DLG2: variants seen among roughly 807,000 people sequenced by gnomAD.
The protein encoded by DLG2 is disks large homolog 2.
In DLG2, 45 loss-of-function variants were observed where a neutral mutation model predicts 132.5. That is an observed-to-expected ratio of 0.34 (90% CI 0.27 to 0.44). The LOEUF (loss-of-function observed/expected upper bound fraction) is 0.44, where lower values mean the gene tolerates loss of function less well. DLG2 is among the 20% of genes least tolerant of loss of function. DLG2 has a pLI of 1.00. For missense variants in DLG2, 1,045 were observed against 1,196.9 expected (o/e 0.87, Z 1.87); for synonymous variants, 424 against 419.6 (o/e 1.01, Z -0.13).
intron 6 of DLG2, among the ~76,000 whole-genome samples, chr11:84,890,050 T>C (rs2089078066): frequency 6.6e-6 from 1 of 152,214 alleles, no homozygotes; most frequent in Non-Finnish European, 1.5e-5. Flanking sequence ...TATAGCTACT[T>C]GGCATTTCAG....
chr11:84,931,766 C>T (rs1009809177), intron 6 of DLG2, among the ~76,000 whole-genome samples: 1 of 152,146 alleles, frequency 6.6e-6, no homozygotes, highest in Non-Finnish European at 1.5e-5. Flanking sequence ...TATCCACAAC[C>T]TTGCCAGCAT....
chr11:84,931,228 G>A (rs1257121272), intron 6 of DLG2, among the ~76,000 whole-genome samples: 1 of 151,978 alleles, frequency 6.6e-6, no homozygotes, highest in Non-Finnish European at 1.5e-5. Context: ...TGTCATGGGG[G>A]TTTCTTGTAC....
intron 6 of DLG2, among the ~76,000 whole-genome samples, chr11:84,841,491 A>C (rs539576358): frequency 8.5e-5 from 13 of 152,140 alleles, no homozygotes; most frequent in African/African-American, 3.1e-4. Flanking sequence ...ATTAAACATT[A>C]CTCTGATAAC....
chr11:85,096,223 G>C (rs768121412), intron 6 of DLG2, among the ~76,000 whole-genome samples: 4 of 152,180 alleles, frequency 2.6e-5, no homozygotes, highest in Non-Finnish European at 5.9e-5. Flanking sequence ...GCCAGCAGTG[G>C]CAACCTGCTC....
intron 6 of DLG2, among the ~76,000 whole-genome samples, chr11:84,734,974 C>A (rs1446204108): frequency 6.6e-6 from 1 of 152,138 alleles, no homozygotes. Context: ...AGCCTTGCAT[C>A]CCAGGGATGA....
At chr11:84,395,398 C>A (rs545171562) in intron 7 of DLG2, among the ~76,000 whole-genome samples, 1 of 152,126 alleles carries the variant, frequency 6.6e-6, no homozygotes, top group Non-Finnish European at 1.5e-5. Context: ...CCTGTCTTCA[C>A]TTAGGTTTCT....
At position 85,370,058 on chromosome 11, in the gene DLG2, T is replaced by C. The variant is rs917155593; in HGVS notation, c.41-84693A>G. On this transcript the variant is annotated intron_variant, in intron 3 of 27. Coordinates refer to ENST00000376104, the MANE Select transcript of DLG2 (RefSeq NM_001142699.3). The stretch of plus-strand genomic sequence containing the variant: ...GTGTTTTGAGGTTACAAACTGGTTT[T>C]TGGGTTTTGAAAAGTATTTGACTTG... Among the ~76,000 whole-genome samples, 3 of 152,294 alleles carry C rather than the reference T, an allele frequency of 2.0e-5. No homozygotes were observed. The South Asian group carries it at 6.2e-4, about 32-fold the overall frequency.
chr11:85,358,104 CAGAAGGGA>C (rs1165967385), intron 3 of DLG2, among the ~76,000 whole-genome samples: 1 of 151,504 alleles, frequency 6.6e-6, no homozygotes, highest in African/African-American at 2.4e-5. Flanking sequence ...AAAAAAAGAA[CAGAAGGGA>C]AGAAGAGAAG....
chr11:83,495,977 C>A (rs1382640069), intron 21 of DLG2, among the ~76,000 whole-genome samples: 1 of 152,028 alleles, frequency 6.6e-6, no homozygotes, highest in Non-Finnish European at 1.5e-5. Context: ...AGTTGTTAAA[C>A]TGGACTTCAG....
chr11:85,222,873 C>A (rs1171048802), intron 4 of DLG2, among the ~76,000 whole-genome samples: 2 of 152,132 alleles, frequency 1.3e-5, no homozygotes, highest in Admixed American at 6.5e-5. Context: ...GTCAAGTTAG[C>A]TTGGCAGTGA....
chr11:84,136,283 T>C (rs1025756718), intron 9 of DLG2, among the ~76,000 whole-genome samples: 13 of 152,160 alleles, frequency 8.5e-5, no homozygotes, highest in African/African-American at 3.1e-4. Context: ...ATCAAAATAG[T>C]AGGGATGAAT....
intron 4 of DLG2, among the ~76,000 whole-genome samples, chr11:85,239,072 C>T (rs998891435): frequency 6.6e-6 from 1 of 152,048 alleles, no homozygotes; most frequent in South Asian, 2.1e-4. Flanking sequence ...GAAAAATACA[C>T]AAGAACCTTG....
intron 6 of DLG2, among the ~76,000 whole-genome samples, chr11:84,960,847 AATGAAAACAATTTCAAGTTTTTC>A (rs1169639638): frequency 6.6e-6 from 1 of 152,124 alleles, no homozygotes; most frequent in African/African-American, 2.4e-5. Context: ...TAAATAGGAC[AATGAAAACAATTTCAAGTTTTTC>A]ATTGTTCACC....
chr11:84,240,204 C>A (rs1199278167), intron 8 of DLG2, among the ~76,000 whole-genome samples: 2 of 152,196 alleles, frequency 1.3e-5, no homozygotes, highest in East Asian at 3.9e-4. Context: ...TGTGCAAGGG[C>A]AACCCCCAAG....
At chr11:84,298,947 G>A (rs1173020312) in intron 7 of DLG2, among the ~76,000 whole-genome samples, 1 of 152,154 alleles carries the variant, frequency 6.6e-6, no homozygotes, top group African/African-American at 2.4e-5. Flanking sequence ...TGCTTTGCTA[G>A]GGAATCCAGT....
intron 6 of DLG2, among the ~76,000 whole-genome samples, chr11:84,753,348 G>A (rs866826597): frequency 4.6e-5 from 7 of 152,132 alleles, no homozygotes; most frequent in South Asian, 2.1e-4. Context: ...CCATAGTGTA[G>A]GTGAGAGATA....
chr11:84,992,837 G>T lies in DLG2; in HGVS notation c.357+118824C>A, dbSNP rs547953735. On this transcript the variant is annotated intron_variant, in intron 6 of 27. Coordinates refer to ENST00000376104, the MANE Select transcript of DLG2 (RefSeq NM_001142699.3). Reference sequence around the variant, plus strand: ...TGCAAAAATTTTCTCCCATTCTGTAGGTTGTCTGTCATTGTGGAAGACAGT... The same window carrying T: ...TGCAAAAATTTTCTCCCATTCTGTATGTTGTCTGTCATTGTGGAAGACAGT... Among the ~76,000 whole-genome samples the T allele has an allele frequency of 4.2e-4, 64 of 152,066 alleles. No homozygotes were observed. The South Asian group carries it at 0.011, about 26-fold the overall frequency.
chr11:84,862,817 C>CGGGGGGGGGGGGGGGG (rs71036447), intron 6 of DLG2, among the ~76,000 whole-genome samples: 1 of 46,176 alleles, frequency 2.2e-5, no homozygotes. Context: ...CAGGTCCTGT[C>CGGGGGGGGGGGGGGGG]GGGGGGGGGG....
intron 9 of DLG2, among the ~76,000 whole-genome samples, chr11:84,148,496 C>T (rs1440605913): frequency 2.0e-5 from 3 of 152,060 alleles, no homozygotes; most frequent in African/African-American, 4.8e-5. Flanking sequence ...TCTGTTTCTG[C>T]GTTAGTTTGC....
Sources: gnomAD v4.1 joint callset for allele counts (sites outside exome capture counted in the v4.1 genomes callset) on GRCh38, gnomAD v4.1.1 for gene constraint, MANE v1.5 for transcripts, NCBI Gene and HGNC (gene_info 2026-07-23, HGNC 2026-07-21) for gene names.